The following C11orf65 variants were observed in gnomAD, a reference collection of about 807,000 sequenced individuals.
C11orf65 encodes protein MFI.
Under a neutral mutation model 35.3 loss-of-function variants are expected in C11orf65, and 38 were observed. The ratio of observed to expected loss-of-function variants is 1.08; its 90% CI spans 0.83 to 1.41. The LOEUF (loss-of-function observed/expected upper bound fraction) is 1.41. Among genes scored for constraint, C11orf65 ranks in the 40% most tolerant of loss-of-function variants. C11orf65 has a pLI of 0.00. For missense variants in C11orf65, 370 were observed against 367.1 expected (o/e 1.01, Z -0.06); for synonymous variants, 105 against 114.4 (o/e 0.92, Z 0.53).
chr11:108,428,206 T>C (rs1375658164), intron 3 of C11orf65, among the ~76,000 whole-genome samples: 1 of 152,026 alleles, frequency 6.6e-6, no homozygotes, highest in African/African-American at 2.4e-5. Flanking sequence ...TTTTACACTG[T>C]TGGTGGGAGT....
At position 108,407,146 on chromosome 11, in the gene C11orf65, C is replaced by A. The variant is rs144748121; in HGVS notation, c.178G>T (p.Glu60Ter). The A allele has an allele frequency of 5.4e-4, 872 of 1,600,974 alleles. 1 individual carries two copies. The highest frequency in any genetic ancestry group is 6.6e-4 in the Non-Finnish European group (778 of 1,170,738). Reference sequence around the variant, plus strand: ...ATGCCAGCAGCAGCATCTAGAAGCTCTGCCTATAAGAAAATATATTATTCT... The same window carrying A: ...ATGCCAGCAGCAGCATCTAGAAGCTATGCCTATAAGAAAATATATTATTCT... The part of the protein sequence containing the change: ...IVKYINPKEA[E>*]LLDAAAGIHV... Residue 60 changes from glutamate to a stop codon, truncating the protein, a stop_gained, in exon 4 of 9, where the codon GAG (glutamate) becomes TAG (stop). Transcript: ENST00000393084. LOFTEE classifies it high-confidence loss of function.
At chr11:108,334,490 G>A (rs1447136247) in intron 3 of C11orf65, among the ~76,000 whole-genome samples, 2 of 152,192 alleles carry the variant, frequency 1.3e-5, no homozygotes, top group Non-Finnish European at 2.9e-5. Context: ...AGGGATATAT[G>A]TAATAAGGGT....
intron 2 of C11orf65, among the ~76,000 whole-genome samples, chr11:108,357,801 C>CCAT (rs993238820): frequency 2.6e-4 from 39 of 152,028 alleles, no homozygotes; most frequent in Admixed American, 2.0e-3. Context: ...CTGTACATCA[C>CCAT]CATCATCAAA....
intron 3 of C11orf65, among the ~76,000 whole-genome samples, chr11:108,413,212 G>C (rs1199223082): frequency 6.6e-6 from 1 of 152,216 alleles, no homozygotes; most frequent in Non-Finnish European, 1.5e-5. Flanking sequence ...GTACAAATTT[G>C]TGCAGTATAT....
intron 8 of C11orf65, 52 bp downstream of exon 8, chr11:108,385,868 G>A (rs2091983692): frequency 1.3e-5 from 18 of 1,405,524 alleles, no homozygotes; most frequent in Non-Finnish European, 1.7e-5. Flanking sequence ...TGTGTGGAAT[G>A]TATTTTTTGT....
intron 2 of C11orf65, among the ~76,000 whole-genome samples, chr11:108,335,524 G>C (rs2086744004): frequency 6.6e-6 from 1 of 152,174 alleles, no homozygotes; most frequent in Non-Finnish European, 1.5e-5. Flanking sequence ...ACCATTTGCT[G>C]ACGAGCTCTT....
intron 3 of C11orf65, among the ~76,000 whole-genome samples, chr11:108,427,644 C>T (rs1363562158): frequency 7.4e-6 from 1 of 135,258 alleles, no homozygotes. Flanking sequence ...ATGGCGTGAA[C>T]CCGGGAGGCG....
chr11:108,409,934 G>A (rs181950253), intron 3 of C11orf65, among the ~76,000 whole-genome samples: 9 of 152,186 alleles, frequency 5.9e-5, no homozygotes, highest in African/African-American at 1.7e-4. Flanking sequence ...CCACTAAACC[G>A]GTCCCTGGCA....
At chr11:108,379,797 T>C (rs2138220794), downstream of C11orf65, among the ~76,000 whole-genome samples, 1 of 152,194 alleles carries the variant, frequency 6.6e-6, no homozygotes, top group Middle Eastern at 3.4e-3. Flanking sequence ...CCAGCTGCTT[T>C]ACTTTCTTAC....
At chr11:108,467,957 CT>C (rs1191474244), upstream of C11orf65, among the ~76,000 whole-genome samples, 7 of 152,048 alleles carry the variant, frequency 4.6e-5, no homozygotes, top group African/African-American at 1.7e-4. Flanking sequence ...TCCCGAGTAG[CT>C]GGGACCGTAG....
In C11orf65 at chr11:108,326,109, G is replaced by A. The variant is rs1181779478; in HGVS notation, c.641-17038C>T. The A allele has an allele frequency of 6.2e-7, 1 of 1,614,094 alleles. No individual in the cohort carries two copies. Among genetic ancestry groups the A allele is most frequent in the Non-Finnish European group, 8.5e-7 (1 of 1,180,006 alleles). The stretch of plus-strand genomic sequence containing the variant: ...TAAACAGTACAATTCAGTTAGCTGT[G>A]GAGTCTCTGAGTGGCAGCTGGAAGA... On this transcript the variant is annotated intron_variant, in intron 6 of 6. Transcript: ENST00000525729.
At chr11:108,310,137 C>A (rs750197861) in intron 6 of C11orf65, 2 of 1,603,620 alleles carry the variant, frequency 1.2e-6, no homozygotes, top group Non-Finnish European at 1.7e-6. Context: ...AAGTGAATGA[C>A]ATTATATCTC....
chr11:108,339,748 C>T (rs1209753531), intron 2 of C11orf65, among the ~76,000 whole-genome samples: 2 of 152,086 alleles, frequency 1.3e-5, no homozygotes, highest in African/African-American at 2.4e-5. Context: ...CCCCTCCCCG[C>T]CCCAGAGCTA....
At chr11:108,446,703 G>A (rs1489839338) in intron 2 of C11orf65, among the ~76,000 whole-genome samples, 14 of 152,080 alleles carry the variant, frequency 9.2e-5, no homozygotes, top group East Asian at 1.9e-4. Flanking sequence ...GACCATCAAG[G>A]CTAGGAAGAA....
chr11:108,461,399 T>TAAA, intron 2 of C11orf65, 80 bp downstream of exon 2: 2 of 956,110 alleles, frequency 2.1e-6, no homozygotes, highest in Non-Finnish European at 1.5e-6. Context: ...GATTCTGTCT[T>TAAA]AAAAAAAAAA....
chr11:108,354,658 C>A (rs1327860949), intron 2 of C11orf65, among the ~76,000 whole-genome samples: 1 of 152,162 alleles, frequency 6.6e-6, no homozygotes, highest in Non-Finnish European at 1.5e-5. Flanking sequence ...CTAATGAAAG[C>A]CCACTCTGCC....
chr11:108,445,439 C>T (rs2093238108), intron 2 of C11orf65, among the ~76,000 whole-genome samples: 1 of 152,130 alleles, frequency 6.6e-6, no homozygotes, highest in South Asian at 2.1e-4. Flanking sequence ...GCAGCATTTG[C>T]AGGTCACCAA....
At chr11:108,390,969 T>C (rs2092145822) in intron 7 of C11orf65, among the ~76,000 whole-genome samples, 1 of 152,154 alleles carries the variant, frequency 6.6e-6, no homozygotes, top group South Asian at 2.1e-4. Context: ...ATCTTCTTTT[T>C]TCTTTTATTC....
intron 2 of C11orf65, among the ~76,000 whole-genome samples, chr11:108,341,994 A>C (rs1041340599): frequency 6.6e-6 from 1 of 152,168 alleles, no homozygotes; most frequent in African/African-American, 2.4e-5. Context: ...GACTTGTCCA[A>C]CCCACAGCCT....
Sources: gnomAD v4.1 joint callset for allele counts (sites outside exome capture counted in the v4.1 genomes callset) on GRCh38, gnomAD v4.1.1 for gene constraint, MANE v1.5 for transcripts, NCBI Gene and HGNC (gene_info 2026-07-23, HGNC 2026-07-21) for gene names.